SIK3: variants seen among roughly 807,000 people sequenced by gnomAD.
SIK3 encodes SIK family kinase 3.
SIK3 carries 28 observed loss-of-function variants against 144.2 expected under a neutral mutation model. The ratio of observed to expected loss-of-function variants is 0.19; its 90% CI spans 0.14 to 0.27. The LOEUF (loss-of-function observed/expected upper bound fraction) is 0.27. Ranked by LOEUF, SIK3 falls within the 10% of genes least tolerant of loss-of-function variation. The pLI is 1.00. For synonymous variants in SIK3, 686 were observed against 676.3 expected, an observed-to-expected ratio of 1.01 and a Z score of -0.22; for missense variants, 1,319 against 1,776.0, an observed-to-expected ratio of 0.74 and a Z score of 4.62.
At chr11:117,092,306 G>GC (rs1442228838) in intron 1 of SIK3, among the ~76,000 whole-genome samples, 4 of 151,892 alleles carry the variant, frequency 2.6e-5, no homozygotes, top group Non-Finnish European at 5.9e-5. Context: ...ACTCACTTCT[G>GC]CCCCATGGCC....
At position 116,858,072 on chromosome 11, in the gene SIK3, A is replaced by G; in HGVS notation, c.3393T>C (p.Tyr1131=). 1.9e-6 allele frequency: 3 copies of G among 1,613,842 alleles called. No individual in the cohort carries two copies. The highest frequency in any genetic ancestry group is 2.5e-6 in the Non-Finnish European group (3 of 1,179,848). ...QASSPTPPHG[Y]AHQPALMHSE... ...AATGCATCAGTGCCGGCTGGTGAGC[A>G]TACCCGTGGGGCGGGGTGGGTGAGG... The change falls in exon 21 of 25, where the codon TAT becomes TAC. Residue 1131 remains tyrosine (Y), a synonymous_variant. Transcript: ENST00000445177. The surrounding 1 kb of genome is among the most constrained non-coding windows in gnomAD (Gnocchi z 5.4).
intron 1 of SIK3, among the ~76,000 whole-genome samples, chr11:116,980,843 CCT>C (rs963627404): frequency 6.6e-6 from 1 of 151,548 alleles, no homozygotes; most frequent in African/African-American, 2.4e-5. Context: ...AGAGCAAGAC[CCT>C]GTCTCGAAAA....
chr11:116,936,178 CTT>C (rs902705969), intron 3 of SIK3, among the ~76,000 whole-genome samples: 1 of 152,120 alleles, frequency 6.6e-6, no homozygotes, highest in African/African-American at 2.4e-5. Flanking sequence ...CTAGCGTTCT[CTT>C]TGTTTGTTTG....
At chr11:116,914,210 T>G (rs1946493143) in intron 4 of SIK3, among the ~76,000 whole-genome samples, 1 of 132,754 alleles carries the variant, frequency 7.5e-6, no homozygotes, top group South Asian at 2.1e-4. Context: ...TTCTCAATTT[T>G]TTTTTTTTTT....
chr11:117,063,406 G>A (rs1022665092), intron 1 of SIK3, among the ~76,000 whole-genome samples: 5 of 152,060 alleles, frequency 3.3e-5, no homozygotes, highest in South Asian at 2.1e-4. Context: ...CACTAAGTAC[G>A]GCAGTCTCCT....
At chr11:116,894,485 A>G (rs576702712) in intron 6 of SIK3, among the ~76,000 whole-genome samples, 1 of 152,356 alleles carries the variant, frequency 6.6e-6, no homozygotes, top group South Asian at 2.1e-4. Flanking sequence ...AGTTGGCAGT[A>G]AAACCATCCT....
chr11:117,095,216 G>A (rs945862214), intron 1 of SIK3, among the ~76,000 whole-genome samples: 95 of 144,498 alleles, frequency 6.6e-4, no homozygotes, highest in Non-Finnish European at 1.2e-3. Flanking sequence ...AAAAAAAAAA[G>A]GAGGGGGATC....
intron 3 of SIK3, among the ~76,000 whole-genome samples, chr11:116,943,398 C>G (rs1948418723): frequency 6.6e-6 from 1 of 152,152 alleles, no homozygotes; most frequent in South Asian, 2.1e-4. Flanking sequence ...ACTTTTCCAA[C>G]CAACTCCTCT....
intron 1 of SIK3, among the ~76,000 whole-genome samples, chr11:117,022,834 T>C (rs1310845212): frequency 6.8e-6 from 1 of 146,110 alleles, no homozygotes; most frequent in Non-Finnish European, 1.5e-5. Context: ...GTGAAGAAGT[T>C]AAAAAAAAAA....
At chr11:117,054,437 T>C (rs1318235767) in intron 1 of SIK3, among the ~76,000 whole-genome samples, 1 of 152,188 alleles carries the variant, frequency 6.6e-6, no homozygotes, top group Admixed American at 6.5e-5. Context: ...TTGGAGGCTT[T>C]ATATTTCAGG....
At chr11:117,061,293 T>C (rs1016714794) in intron 1 of SIK3, among the ~76,000 whole-genome samples, 1 of 152,086 alleles carries the variant, frequency 6.6e-6, no homozygotes, top group African/African-American at 2.4e-5. Flanking sequence ...TTTTAAGGTA[T>C]TACCATTTGA....
At chr11:116,853,830 A>G (rs1312098373) in intron 21 of SIK3, among the ~76,000 whole-genome samples, 1 of 152,204 alleles carries the variant, frequency 6.6e-6, no homozygotes, top group Non-Finnish European at 1.5e-5. Flanking sequence ...AAGTGTGTGT[A>G]CCACTATAGA....
Position 116,846,475 on chromosome 11 carries a change from G to C in SIK3, c.4031C>G (p.Pro1344Arg), listed in dbSNP as rs1447220550. The C allele has an allele frequency of 6.2e-7, 1 of 1,614,192 alleles. No homozygotes were observed. The highest frequency in any genetic ancestry group is 1.1e-5 in the South Asian group (1 of 91,088). ...CAGAATGTCTGTAATACACGTAGATGGATAGCAAGAGGAGTTTAAATGCTG... is the reference window on the plus strand; with the variant it reads ...CAGAATGTCTGTAATACACGTAGATCGATAGCAAGAGGAGTTTAAATGCTG... The part of the protein sequence containing the change: ...GSQHLNSSCY[P>R]STCITDILLS... Residue 1344 changes from proline to arginine, a missense_variant, in exon 24 of 25, where the codon CCA becomes CGA. Physicochemically the swap from Pro to Arg is moderately radical, Grantham distance 103. This residue lies in a region of SIK3 where 646 missense variants were observed against 763.7 expected (regional missense o/e 0.85). Transcript: ENST00000445177. This position sits in a 1 kb window ranked among gnomAD's most constrained non-coding sequence, Gnocchi z 4.1.
At chr11:116,904,272 G>A (rs1016875815) in intron 4 of SIK3, among the ~76,000 whole-genome samples, 2 of 152,168 alleles carry the variant, frequency 1.3e-5, no homozygotes, top group East Asian at 1.9e-4. Context: ...GAGGGAGCAC[G>A]AGCAAGGGCA....
At chr11:116,932,683 T>C (rs1406788853) in intron 3 of SIK3, among the ~76,000 whole-genome samples, 2 of 152,202 alleles carry the variant, frequency 1.3e-5, no homozygotes, top group African/African-American at 4.8e-5. Context: ...TGCCCCACCA[T>C]CCCTAACTCC....
At position 116,977,203 on chromosome 11, in the gene SIK3, TTC is replaced by T. The variant is rs1355811303; in HGVS notation, c.274-20141_274-20140del. Among the ~76,000 whole-genome samples, 84 of 149,638 alleles carry T rather than the reference TTC, an allele frequency of 5.6e-4. 1 individual carries two copies. Among genetic ancestry groups the T allele is most frequent in the African/African-American group, 1.8e-3 (71 of 40,486 alleles). ...ACAAGCAGCACACACAAGGGAAAAC[TTC>T]TCTCTTCTTCCTCCCTCCCTCCCTC... On this transcript the variant is annotated intron_variant, in intron 1 of 24. Transcript: ENST00000445177.
chr11:116,851,454 T>C (rs911858861), intron 21 of SIK3, among the ~76,000 whole-genome samples: 5 of 152,206 alleles, frequency 3.3e-5, no homozygotes, highest in African/African-American at 1.2e-4. Context: ...AATGGTTTTC[T>C]ATAATGATTA....
intron 13 of SIK3, among the ~76,000 whole-genome samples, chr11:116,871,793 C>T (rs781613818): frequency 2.0e-5 from 3 of 152,208 alleles, no homozygotes; most frequent in East Asian, 1.9e-4. Flanking sequence ...TTGTGTAACC[C>T]GGAGAATGAC....
At position 117,051,631 on chromosome 11, in the gene SIK3, T is replaced by C. The variant is rs898409673; in HGVS notation, c.273+46512A>G. On this transcript the variant is annotated intron_variant, in intron 1 of 24. Transcript: ENST00000445177. ...GCAACCTCCACCTCCTGGGTTCAAG[T>C]GATTGTCTGCCTCAGCCTTCCAAAT... Among the ~76,000 whole-genome samples the C allele has an allele frequency of 1.2e-4, 18 of 151,942 alleles. No homozygotes were observed. The East Asian group carries it at 3.5e-3, about 30-fold the overall frequency.
Sources: gnomAD v4.1 joint callset for allele counts (sites outside exome capture counted in the v4.1 genomes callset) on GRCh38, gnomAD v4.1.1 for gene constraint, gnomAD v4.1.1 regional missense constraint, Gnocchi (gnomAD v3.1) non-coding constraint, MANE v1.5 for transcripts, NCBI Gene and HGNC (gene_info 2026-07-23, HGNC 2026-07-21) for gene names.